Variants in THSD4 observed in about 807,000 individuals in gnomAD.
THSD4 encodes the protein thrombospondin type-1 domain-containing protein 4.
A neutral mutation model predicts 119.0 loss-of-function variants in THSD4; 69 were observed. The ratio of observed to expected loss-of-function variants is 0.58; its 90% confidence interval spans 0.48 to 0.71. The LOEUF (loss-of-function observed/expected upper bound fraction) is 0.71. Among genes scored for constraint, THSD4 ranks in the 30% least tolerant of loss-of-function variants. THSD4 has a pLI of 0.00. For missense variants in THSD4, 1,393 were observed against 1,391.1 expected (o/e 1.00, Z -0.02); for synonymous variants, 524 against 540.4 (o/e 0.97, Z 0.42).
chr15:71,296,437 G>A (rs542725066), intron 6 of THSD4, among the ~76,000 whole-genome samples: 10 of 152,248 alleles, frequency 6.6e-5, no homozygotes, highest in African/African-American at 2.2e-4. Flanking sequence ...CACTAAGACC[G>A]GATGACCTCT....
intron 6 of THSD4, among the ~76,000 whole-genome samples, chr15:71,390,776 T>C (rs1336279883): frequency 6.6e-6 from 1 of 151,946 alleles, no homozygotes; most frequent in South Asian, 2.1e-4. Flanking sequence ...ATCTCAAATA[T>C]ATTGGGCTTT....
intron 7 of THSD4, among the ~76,000 whole-genome samples, chr15:71,515,144 C>A (rs1005779805): frequency 6.6e-6 from 1 of 152,200 alleles, no homozygotes; most frequent in African/African-American, 2.4e-5. Context: ...TTTACATTCT[C>A]ACCAGCAGTG....
At position 71,772,786 on chromosome 15, in the gene THSD4, T is replaced by A. The variant is rs866434491; in HGVS notation, c.2914+1578T>A. Among the ~76,000 whole-genome samples the A allele has an allele frequency of 6.6e-5, 10 of 152,244 alleles. No homozygotes were observed. The South Asian group carries it at 1.0e-3, about 16-fold the overall frequency. ...AGTTTGATAAAGGGGGAATGATAAG[T>A]AAGTGGGGAGAGGAGAGGCTTCCAT... On this transcript the variant is annotated intron_variant, in intron 17 of 17. Coordinates refer to ENST00000261862, the MANE Select transcript of THSD4 (RefSeq NM_024817.3).
At chr15:71,519,992 G>C (rs1256000102) in intron 7 of THSD4, among the ~76,000 whole-genome samples, 1 of 152,186 alleles carries the variant, frequency 6.6e-6, no homozygotes, top group East Asian at 1.9e-4. Flanking sequence ...TCACAGGATA[G>C]CTAGTTTTTA....
intron 8 of THSD4, among the ~76,000 whole-genome samples, chr15:71,669,819 C>A (rs1321597258): frequency 5.3e-5 from 8 of 152,146 alleles, no homozygotes; most frequent in Admixed American, 5.2e-4. Flanking sequence ...TGTGCGTGGG[C>A]AGGGGTCAGA....
rs71154772 is a variant in THSD4 at position 71,442,660 on chromosome 15, GTATATATATATATATATATATA to G, written c.1152+30859_1152+30880del. ...TGTGTGTATATGTGTGTGTGTGTGT[GTATATATATATATATATATATA>G]TATATATATATATATATATATGAAG... On this transcript the variant is annotated intron_variant, in intron 7 of 17. Transcript: ENST00000261862. Among the ~76,000 whole-genome samples the G allele has an allele frequency of 1.0e-3, 26 of 25,826 alleles. 1 individual carries two copies. The highest frequency in any genetic ancestry group is 2.8e-3 in the African/African-American group (26 of 9,268). 16.9% of individuals were successfully genotyped at this position (25,826 alleles called of 152,430 possible).
At chr15:71,432,004 C>T (rs1596050) in intron 7 of THSD4, among the ~76,000 whole-genome samples, 82,699 of 151,782 alleles carry the variant, frequency 0.54, 22,792 homozygotes, top group Middle Eastern at 0.63. Flanking sequence ...ATTTTGTCTC[C>T]ACACAAAGAG....
chr15:71,180,347 C>T (rs369223956), intron 3 of THSD4, among the ~76,000 whole-genome samples: 1 of 151,968 alleles, frequency 6.6e-6, no homozygotes, highest in Admixed American at 6.6e-5. Context: ...CTTGAATAGA[C>T]GTTTCTCCAA....
chr15:71,361,204 C>T (rs1355836727), intron 6 of THSD4, among the ~76,000 whole-genome samples: 1 of 152,168 alleles, frequency 6.6e-6, no homozygotes, highest in South Asian at 2.1e-4. Context: ...GAAGACCATA[C>T]ATGTCTTTTA....
intron 6 of THSD4, among the ~76,000 whole-genome samples, chr15:71,344,787 A>T (rs1414045893): frequency 6.6e-6 from 1 of 152,188 alleles, no homozygotes; most frequent in East Asian, 1.9e-4. Context: ...ACGGATGTAC[A>T]AGGTCTACTC....
At chr15:71,595,780 C>T (rs1468291421) in intron 7 of THSD4, among the ~76,000 whole-genome samples, 1 of 152,172 alleles carries the variant, frequency 6.6e-6, no homozygotes, top group African/African-American at 2.4e-5. Flanking sequence ...GTTCAACGCC[C>T]TCCATTTAAA....
chr15:71,722,441 A>G (rs540878351), intron 8 of THSD4, among the ~76,000 whole-genome samples: 7 of 152,188 alleles, frequency 4.6e-5, no homozygotes, highest in Non-Finnish European at 7.3e-5. Flanking sequence ...GTCCTTGCAG[A>G]TTCCTCCTGT....
chr15:71,377,914 A>ACACACACACACACACACACACAC (rs57687864), intron 6 of THSD4, among the ~76,000 whole-genome samples: 10 of 146,146 alleles, frequency 6.8e-5, no homozygotes, highest in African/African-American at 2.3e-4. Context: ...ACACACACAC[A>ACACACACACACACACACACACAC]ATTTCCTTCA....
chr15:71,126,948 G>C (rs2040461089), intron 1 of THSD4, among the ~76,000 whole-genome samples: 1 of 152,152 alleles, frequency 6.6e-6, no homozygotes, highest in African/African-American at 2.4e-5. Flanking sequence ...GAGAATATCT[G>C]AAATTTACTC....
chr15:71,735,844 C>CTT (rs2053083064), intron 10 of THSD4, among the ~76,000 whole-genome samples: 1 of 149,958 alleles, frequency 6.7e-6, no homozygotes, highest in African/African-American at 2.5e-5. Context: ...CTGTCTCTTT[C>CTT]GCTCTCTGTC....
intron 6 of THSD4, among the ~76,000 whole-genome samples, chr15:71,306,606 A>G (rs1329121938): frequency 6.6e-6 from 1 of 152,124 alleles, no homozygotes; most frequent in Non-Finnish European, 1.5e-5. Context: ...TAGTTCAGCA[A>G]TTTTCTCAAC....
rs956796099 is a variant in THSD4 at position 71,676,290 on chromosome 15, A to AT, written c.1357+15565dup. On this transcript the variant is annotated intron_variant, in intron 8 of 17. Coordinates refer to ENST00000261862, the MANE Select transcript of THSD4 (RefSeq NM_024817.3). ...GCTATCACCACGATCCATTTTCAGA[A>AT]TTTTTTTTTGAGACGGAGTCTCGCT... 4.0e-5 allele frequency among the ~76,000 whole-genome samples: 6 copies of AT among 151,586 alleles called. No individual in the cohort carries two copies. In the South Asian group the frequency reaches 6.3e-4, roughly 16 times the overall value.
chr15:71,563,200 A>T (rs2049158757), intron 7 of THSD4, among the ~76,000 whole-genome samples: 1 of 152,154 alleles, frequency 6.6e-6, no homozygotes, highest in Non-Finnish European at 1.5e-5. Flanking sequence ...GAACCTTTAC[A>T]TCACCACACT....
intron 7 of THSD4, among the ~76,000 whole-genome samples, chr15:71,496,097 A>G (rs2048013030): frequency 6.6e-6 from 1 of 152,200 alleles, no homozygotes; most frequent in Non-Finnish European, 1.5e-5. Context: ...TTGGTTTCTT[A>G]AGTTACAGAT....
Sources: gnomAD v4.1 joint callset for allele counts (sites outside exome capture counted in the v4.1 genomes callset) on GRCh38, gnomAD v4.1.1 for gene constraint, MANE v1.5 for transcripts, NCBI Gene and HGNC (gene_info 2026-07-23, HGNC 2026-07-21) for gene names.